Variants in POC1B observed in about 807,000 individuals in gnomAD.
POC1B encodes POC1 centriolar protein B.
In POC1B, 44 loss-of-function variants were observed where a neutral mutation model predicts 60.6. That is an observed-to-expected ratio of 0.73 (90% CI 0.57 to 0.93). POC1B has a LOEUF of 0.93. POC1B is among the 40% of genes least tolerant of loss of function. The pLI is 0.00. For missense variants in POC1B, 555 were observed against 572.3 expected (o/e 0.97, Z 0.31); for synonymous variants, 180 against 198.9 (o/e 0.90, Z 0.80).
At chr12:89,460,038 CCTAGCCAGTT>C (rs1565734782) in intron 9 of POC1B, 1 of 400,086 alleles carries the variant, frequency 2.5e-6, no homozygotes, top group East Asian at 7.0e-5. Context: ...AGAAAAAAAT[CCTAGCCAGTT>C]CAGTAAGAAA....
At chr12:89,495,831 G>A (rs983981330) in intron 3 of POC1B, among the ~76,000 whole-genome samples, 6 of 151,902 alleles carry the variant, frequency 3.9e-5, no homozygotes, top group South Asian at 4.2e-4. Flanking sequence ...GCATGATCTC[G>A]GCTCACTGCA....
intron 10 of POC1B, among the ~76,000 whole-genome samples, chr12:89,432,589 T>C (rs1443762834): frequency 6.6e-6 from 1 of 152,020 alleles, no homozygotes; most frequent in Non-Finnish European, 1.5e-5. Context: ...AGGAGAAAAG[T>C]AAATATGTAG....
At chr12:89,414,188 C>A in the POC1B span, among the ~76,000 whole-genome samples, 2 of 152,192 alleles carry the variant, frequency 1.3e-5, no homozygotes, top group South Asian at 4.1e-4. Context: ...CCACCATGCC[C>A]AGCCAATTTT....
At chr12:89,468,822 C>G (rs1882780191) in intron 7 of POC1B, among the ~76,000 whole-genome samples, 1 of 152,054 alleles carries the variant, frequency 6.6e-6, no homozygotes, top group African/African-American at 2.4e-5. Flanking sequence ...CTCTTCTCTT[C>G]TAGACCACAA....
chr12:89,409,430 T>G, the POC1B span, among the ~76,000 whole-genome samples: 1 of 152,210 alleles, frequency 6.6e-6, no homozygotes. Flanking sequence ...ATCAGATGGT[T>G]GTAGATGCGT....
intron 2 of POC1B, chr12:89,523,883 G>C: frequency 6.3e-7 from 1 of 1,575,090 alleles, no homozygotes; most frequent in Non-Finnish European, 8.6e-7. Context: ...AGGAAAGTGA[G>C]GACGTCCCCA....
intron 10 of POC1B, among the ~76,000 whole-genome samples, chr12:89,444,749 T>C (rs1328297703): frequency 6.6e-6 from 1 of 152,212 alleles, no homozygotes; most frequent in Non-Finnish European, 1.5e-5. Flanking sequence ...TTGGAAGTTC[T>C]GGCCAGGTCA....
intron 2 of POC1B, chr12:89,524,397 G>A: frequency 6.2e-7 from 1 of 1,614,018 alleles, no homozygotes; most frequent in Non-Finnish European, 8.5e-7. Flanking sequence ...TTTTCTGGAG[G>A]TCTGAGAGCC....
chr12:89,467,894 T>C (rs1882743990), intron 7 of POC1B, among the ~76,000 whole-genome samples: 1 of 152,126 alleles, frequency 6.6e-6, no homozygotes, highest in South Asian at 2.1e-4. Context: ...AAATAAATGA[T>C]ACTAAAAAAA....
the POC1B span, among the ~76,000 whole-genome samples, chr12:89,409,347 C>T: frequency 9.9e-5 from 15 of 152,264 alleles, no homozygotes; most frequent in Middle Eastern, 6.8e-3. Context: ...ATATGGTTAG[C>T]CAGTTTTCCC....
chr12:89,455,365 A>G (rs1368600456), intron 10 of POC1B, among the ~76,000 whole-genome samples: 1 of 152,158 alleles, frequency 6.6e-6, no homozygotes, highest in African/African-American at 2.4e-5. Flanking sequence ...GAAAAAAAGA[A>G]CTGGTCAAAG....
rs1160170759 is a variant in POC1B, at chr12:89,525,924, T to G, written c.-29A>C. 1 of 1,524,506 alleles carries G rather than the reference T, an allele frequency of 6.6e-7. No individual in the cohort carries two copies. The highest frequency in any genetic ancestry group is 1.4e-5 in the African/African-American group (1 of 72,460). The allele number at this position is 1,524,506 out of a possible 1,614,324, so 94.4% of individuals were successfully genotyped here. ...GGGAGTGGTCGGCCCAAGGCTCCTG[T>G]GGGTGGGGGAACCCGGAGAGGGGAG... On this transcript the variant is annotated 5_prime_UTR_variant, in exon 1 of 12. Transcript: ENST00000313546.
intron 2 of POC1B, among the ~76,000 whole-genome samples, chr12:89,503,319 G>A (rs901935856): frequency 6.6e-6 from 1 of 152,266 alleles, no homozygotes; most frequent in African/African-American, 2.4e-5. Flanking sequence ...GTTTCGCTGT[G>A]TTGGCCGGGC....
intron 2 of POC1B, chr12:89,523,354 G>C: frequency 1.2e-6 from 2 of 1,614,024 alleles, no homozygotes; most frequent in African/African-American, 1.3e-5. Flanking sequence ...TCTTGCTGGA[G>C]GGTTTCTATT....
At chr12:89,494,382 A>G (rs926155926) in intron 3 of POC1B, among the ~76,000 whole-genome samples, 2 of 151,990 alleles carry the variant, frequency 1.3e-5, no homozygotes, top group African/African-American at 4.8e-5. Flanking sequence ...TCTGGTCACC[A>G]GCTGTGGTGT....
intron 10 of POC1B, among the ~76,000 whole-genome samples, chr12:89,436,864 C>T (rs779257331): frequency 5.9e-5 from 9 of 152,112 alleles, no homozygotes; most frequent in Non-Finnish European, 8.8e-5. Flanking sequence ...TACGGGTCAC[C>T]CTGTGGGACC....
At chr12:89,522,834 T>G (rs754505884) in intron 2 of POC1B, 4 of 1,585,814 alleles carry the variant, frequency 2.5e-6, no homozygotes, top group Non-Finnish European at 3.4e-6. Context: ...AACTCCAAAT[T>G]TGATTTTTAT....
chr12:89,488,769 G>A (rs936467434), intron 4 of POC1B, among the ~76,000 whole-genome samples: 1 of 152,154 alleles, frequency 6.6e-6, no homozygotes, highest in African/African-American at 2.4e-5. Flanking sequence ...TTACGGGCAT[G>A]AGTCACTGCG....
In POC1B at chr12:89,425,313, G is replaced by A. The variant is rs1165538857; in HGVS notation, c.1180C>T (p.Pro394Ser). 6.2e-7 allele frequency: 1 copy of A among 1,613,968 alleles called. No individual in the cohort carries two copies. Among genetic ancestry groups the A allele is most frequent in the African/African-American group, 1.3e-5 (1 of 74,898 alleles). Residue 394 changes from proline (P) to serine (S), a missense_variant, in exon 11 of 12, where the codon CCT (proline) becomes TCT (serine). By Grantham distance (74) the Pro-to-Ser change is moderately conservative (BLOSUM62 -1). Transcript: ENST00000313546. ...GEEACGYFLN[P>S]SLMSPECLPT... Reference sequence around the variant, plus strand: ...AAACATTCTGGTGACATTAAGGAAGGGTTCAAGAAATATCCACAGGCCTCT... The same window carrying A: ...AAACATTCTGGTGACATTAAGGAAGAGTTCAAGAAATATCCACAGGCCTCT...
Sources: gnomAD v4.1 joint callset for allele counts (sites outside exome capture counted in the v4.1 genomes callset) on GRCh38, gnomAD v4.1.1 for gene constraint, MANE v1.5 for transcripts, NCBI Gene and HGNC (gene_info 2026-07-23, HGNC 2026-07-21) for gene names.